The following FAT3 variants were observed in gnomAD, a reference collection of about 807,000 sequenced individuals.
FAT3 encodes the protein FAT atypical cadherin 3, also known as protocadherin Fat 3.
FAT3 carries 95 observed loss-of-function variants against 310.2 expected under a neutral mutation model. That is an observed-to-expected ratio of 0.31 (90% CI 0.26 to 0.36). FAT3 has a LOEUF of 0.36. Ranked by LOEUF, FAT3 falls within the 10% of genes least tolerant of loss-of-function variation. The pLI, the probability that FAT3 is intolerant of heterozygous loss-of-function variation, is 1.00. For missense variants in FAT3, 5,408 were observed against 5,715.6 expected (o/e 0.95, Z 1.74); for synonymous variants, 2,314 against 2,192.9 (o/e 1.06, Z -1.54).
rs191979641 is a variant in FAT3, at chr11:92,671,920, A to G, written c.3608-25464A>G. On this transcript the variant is annotated intron_variant, in intron 3 of 27. Coordinates refer to ENST00000525166, the MANE Select transcript of FAT3 (RefSeq NM_001367949.2). The stretch of plus-strand genomic sequence containing the variant: ...CAGGAGTTCGAGACCAGCCTGGACA[A>G]TATGGTGAAACCCAGTCTCTACTAA... Among the ~76,000 whole-genome samples the G allele has an allele frequency of 2.3e-4, 35 of 152,262 alleles. 1 individual carries two copies. The highest frequency in any genetic ancestry group is 1.0e-3 in the South Asian group (5 of 4,826).
chr11:92,723,814 C>A (rs1174995765), intron 4 of FAT3, among the ~76,000 whole-genome samples: 5 of 152,152 alleles, frequency 3.3e-5, no homozygotes, highest in African/African-American at 1.2e-4. Flanking sequence ...ATCACGAGAA[C>A]AGCACGGGAA....
Position 92,353,654 on chromosome 11 carries a change from G to C in FAT3, c.1542G>C (p.Leu514=). ...NGYITYSIAS[L]NLLPFVINQF... ...ACATCACCTATAGTATCGCTAGCCT[G>C]AATTTGTTACCATTTGTCATTAATC... The change falls in exon 2 of 28, where the codon CTG becomes CTC. Residue 514 remains leucine (L), a synonymous_variant. Transcript: ENST00000525166. 1 of 1,613,866 alleles carries C rather than the reference G, an allele frequency of 6.2e-7. No homozygotes were observed. Among genetic ancestry groups the C allele is most frequent in the South Asian group, 1.1e-5 (1 of 91,078 alleles).
chr11:92,475,763 A>G (rs193275447), intron 2 of FAT3, among the ~76,000 whole-genome samples: 265 of 152,342 alleles, frequency 1.7e-3, no homozygotes, highest in Middle Eastern at 3.4e-3. Flanking sequence ...TGGTTCACAT[A>G]TTTATGAGTA....
At chr11:92,876,682 G>A (rs1008679723) in intron 22 of FAT3, among the ~76,000 whole-genome samples, 1 of 152,170 alleles carries the variant, frequency 6.6e-6, no homozygotes, top group African/African-American at 2.4e-5. Context: ...TGCTCTCTTG[G>A]CTCCTGCATC....
At chr11:92,730,705 G>T (rs960834225) in intron 4 of FAT3, among the ~76,000 whole-genome samples, 3 of 152,084 alleles carry the variant, frequency 2.0e-5, no homozygotes, top group African/African-American at 7.2e-5. Flanking sequence ...TTTCAAACCT[G>T]TTTATTAATG....
chr11:92,326,009 A>G (rs573836710), intron 1 of FAT3, among the ~76,000 whole-genome samples: 1 of 152,336 alleles, frequency 6.6e-6, no homozygotes, highest in South Asian at 2.1e-4. Context: ...CTAGCTCTCA[A>G]GCCATATCCA....
At chr11:92,773,281 G>A (rs1253620850) in intron 6 of FAT3, among the ~76,000 whole-genome samples, 1 of 152,128 alleles carries the variant, frequency 6.6e-6, no homozygotes, top group African/African-American at 2.4e-5. Flanking sequence ...TATGTGGCCA[G>A]GGGGTTGAGA....
intron 21 of FAT3, among the ~76,000 whole-genome samples, chr11:92,861,211 C>T (rs1458281792): frequency 6.6e-6 from 1 of 152,180 alleles, no homozygotes; most frequent in Admixed American, 6.5e-5. Context: ...TAGGGCTCTA[C>T]GTGGGCCTCA....
chr11:92,560,895 G>A (rs1452349151), intron 3 of FAT3, among the ~76,000 whole-genome samples: 2 of 151,968 alleles, frequency 1.3e-5, no homozygotes, highest in South Asian at 4.2e-4. Context: ...CCTCTAATTG[G>A]CCTTATAAAA....
At chr11:92,315,506 TATATATAGAGAGAGAGAG>T (rs1384383067) in intron 1 of FAT3, among the ~76,000 whole-genome samples, 2 of 86,606 alleles carry the variant, frequency 2.3e-5, no homozygotes, top group African/African-American at 9.8e-5. Flanking sequence ...TATATATATA[TATATATAGAGAGAGAGAG>T]AGAGAGAGAG....
intron 2 of FAT3, among the ~76,000 whole-genome samples, chr11:92,382,324 T>A (rs1481457695): frequency 6.6e-6 from 1 of 152,104 alleles, no homozygotes; most frequent in Non-Finnish European, 1.5e-5. Flanking sequence ...TCAGCTGGAG[T>A]GTCATTTTCA....
chr11:92,542,126 A>G (rs1954467517), intron 3 of FAT3, among the ~76,000 whole-genome samples: 1 of 152,046 alleles, frequency 6.6e-6, no homozygotes, highest in South Asian at 2.1e-4. Context: ...TGGAAAACTG[A>G]ATATCCACAT....
Position 92,859,161 on chromosome 11 carries a change from T to A in FAT3, c.11501-4T>A. On this transcript the variant is annotated splice_region_variant and splice_polypyrimidine_tract_variant and intron_variant, in intron 20 of 27. Transcript: ENST00000525166. ...TATATGTCTTCTCATAACGGTCTTTTCAGGGCACACTTCTCTCAGCTTTGC... is the reference window on the plus strand; with the variant it reads ...TATATGTCTTCTCATAACGGTCTTTACAGGGCACACTTCTCTCAGCTTTGC... 1.2e-6 allele frequency: 2 copies of A among 1,613,002 alleles called. No individual in the cohort carries two copies. Among genetic ancestry groups the A allele is most frequent in the Non-Finnish European group, 8.5e-7 (1 of 1,179,514 alleles).
chr11:92,277,194 G>A (rs2134352683), intron 1 of FAT3, among the ~76,000 whole-genome samples: 1 of 152,190 alleles, frequency 6.6e-6, no homozygotes, highest in South Asian at 2.1e-4. Context: ...TAAATGCCAG[G>A]AAAAAACTAG....
At chr11:92,597,783 C>T (rs769201877) in intron 3 of FAT3, among the ~76,000 whole-genome samples, 1 of 152,036 alleles carries the variant, frequency 6.6e-6, no homozygotes, top group Non-Finnish European at 1.5e-5. Flanking sequence ...TTAGAAAAGC[C>T]TTTGGGAAAA....
intron 3 of FAT3, among the ~76,000 whole-genome samples, chr11:92,599,036 G>C (rs916208534): frequency 3.9e-5 from 6 of 152,128 alleles, no homozygotes; most frequent in African/African-American, 1.2e-4. Context: ...AATACAGCCT[G>C]TCTGGACTGC....
Position 92,330,965 on chromosome 11 carries a change from GGTGTGT to G in FAT3, c.-17-21097_-17-21092del, listed in dbSNP as rs375080524. Among the ~76,000 whole-genome samples the G allele has an allele frequency of 4.1e-3, 551 of 135,976 alleles. 3 individuals are homozygous for G. The highest frequency in any genetic ancestry group is 0.024 in the East Asian group (116 of 4,806). 89.2% of individuals were successfully genotyped at this position (135,976 alleles called of 152,430 possible). A position where few individuals can be genotyped will look rare whatever the true frequency, so the allele number is the denominator to read the frequency against. Reference sequence around the variant, plus strand: ...GTTAGGGAAATTGACAGGAGTAAAGGGTGTGTGTGTGTGTGTGTGTGTGTGTGTGTG... The same window carrying G: ...GTTAGGGAAATTGACAGGAGTAAAGGGTGTGTGTGTGTGTGTGTGTGTGTG... On this transcript the variant is annotated intron_variant, in intron 1 of 27. Coordinates refer to ENST00000525166, the MANE Select transcript of FAT3 (RefSeq NM_001367949.2).
intron 12 of FAT3, among the ~76,000 whole-genome samples, chr11:92,809,096 A>G (rs1287459581): frequency 6.6e-6 from 1 of 152,164 alleles, no homozygotes; most frequent in African/African-American, 2.4e-5. Context: ...ATGAAACTTA[A>G]ACAACAAAAA....
chr11:92,659,723 G>A (rs1942712780), intron 3 of FAT3, among the ~76,000 whole-genome samples: 1 of 152,162 alleles, frequency 6.6e-6, no homozygotes, highest in Non-Finnish European at 1.5e-5. Context: ...GTAGAAGATG[G>A]CCTTGTTTCT....
Sources: allele counts gnomAD v4.1 joint callset (sites outside exome capture counted in the v4.1 genomes callset), GRCh38; gene constraint gnomAD v4.1.1; transcripts MANE v1.5; gene names NCBI Gene and HGNC (gene_info 2026-07-23, HGNC 2026-07-21).